ADAMTS6: variants seen among roughly 807,000 people sequenced by gnomAD.
ADAMTS6 encodes ADAM metallopeptidase with thrombospondin type 1 motif 6, also known as A disintegrin and metalloproteinase with thrombospondin motifs 6.
ADAMTS6 carries 23 observed loss-of-function variants against 144.3 expected under a neutral mutation model. The observed-to-expected ratio is 0.16, with a 90% CI of 0.11 to 0.23. The LOEUF (loss-of-function observed/expected upper bound fraction) is 0.23, where lower values mean the gene tolerates loss of function less well. ADAMTS6 is among the 10% of genes least tolerant of loss of function. The pLI is 1.00. For missense variants in ADAMTS6, 999 were observed against 1,379.6 expected (o/e 0.72, Z 4.37); for synonymous variants, 444 against 457.5 (o/e 0.97, Z 0.38).
chr5:65,214,298 T>G lies in ADAMTS6; in HGVS notation c.2575+496A>C. On this transcript the variant is annotated intron_variant, in intron 20 of 24. Coordinates refer to ENST00000381055, the MANE Select transcript of ADAMTS6 (RefSeq NM_197941.4). This position sits in a 1 kb window ranked among gnomAD's most constrained non-coding sequence, Gnocchi z 4.6. Reference sequence around the variant, plus strand: ...AGAACCCAGATACCAGTAATTATTGTAGCATCCCAGTATACAGCCCCTTAA... The same window carrying G: ...AGAACCCAGATACCAGTAATTATTGGAGCATCCCAGTATACAGCCCCTTAA... 1 of 283,860 alleles carries G rather than the reference T, an allele frequency of 3.5e-6. No homozygotes were observed. The highest frequency in any genetic ancestry group is 9.6e-5 in the East Asian group (1 of 10,454). The allele number at this position is 283,860 out of a possible 1,614,324, so 17.6% of individuals were successfully genotyped here. A position where few individuals can be genotyped will look rare whatever the true frequency, so the allele number is the denominator to read the frequency against.
chr5:65,211,704 T>C (rs941835692), intron 20 of ADAMTS6, among the ~76,000 whole-genome samples: 7 of 152,182 alleles, frequency 4.6e-5, no homozygotes, highest in African/African-American at 1.7e-4. Flanking sequence ...AAAATGATAC[T>C]GTTTTTCCTT....
At chr5:65,227,044 G>A (rs2112408242) in intron 15 of ADAMTS6, among the ~76,000 whole-genome samples, 1 of 152,286 alleles carries the variant, frequency 6.6e-6, no homozygotes, top group East Asian at 1.9e-4. Flanking sequence ...CCTGCCTTAA[G>A]CATATCATAG....
intron 20 of ADAMTS6, among the ~76,000 whole-genome samples, chr5:65,213,787 A>G (rs1756703629): frequency 6.6e-6 from 1 of 152,194 alleles, no homozygotes; most frequent in South Asian, 2.1e-4. Context: ...AAAATCATAT[A>G]TTTCTGCATA....
intron 7 of ADAMTS6, among the ~76,000 whole-genome samples, chr5:65,410,585 T>C (rs989461753): frequency 6.6e-6 from 1 of 152,144 alleles, no homozygotes; most frequent in African/African-American, 2.4e-5. Flanking sequence ...AATATATTAA[T>C]ATTATCATTA....
At chr5:65,397,517 C>T (rs1753445836) in intron 7 of ADAMTS6, among the ~76,000 whole-genome samples, 1 of 151,978 alleles carries the variant, frequency 6.6e-6, no homozygotes, top group Admixed American at 6.6e-5. Context: ...GTTTTCATTT[C>T]ATTTAGTTCA....
chr5:65,388,988 A>G (rs1752691734), intron 7 of ADAMTS6, among the ~76,000 whole-genome samples: 1 of 152,174 alleles, frequency 6.6e-6, no homozygotes, highest in Non-Finnish European at 1.5e-5. Flanking sequence ...TGGGCGGATC[A>G]CGAGGTCAGG....
At chr5:65,268,131 G>A (rs1761767019) in intron 12 of ADAMTS6, among the ~76,000 whole-genome samples, 1 of 152,184 alleles carries the variant, frequency 6.6e-6, no homozygotes, top group Admixed American at 6.5e-5. Context: ...TGCTTTAGAA[G>A]GGCATTTAAT....
At position 65,291,405 on chromosome 5, in the gene ADAMTS6, G is replaced by A. The variant is rs754523496; in HGVS notation, c.1436C>T (p.Ala479Val). 5 of 1,613,986 alleles carry A rather than the reference G, an allele frequency of 3.1e-6. No individual in the cohort carries two copies. The highest frequency in any genetic ancestry group is 4.2e-6 in the Non-Finnish European group (5 of 1,179,932). Reference protein sequence around the residue: ...PKRDFLYPAVAPGQVYDADEQ... With the variant: ...PKRDFLYPAVVPGQVYDADEQ... ...ATCAGCATCATACACCTGACCTGGG[G>A]CCACAGCTGGATAAAGAAAGTCACG... The change falls in exon 11 of 25, where the codon GCC becomes GTC. Residue 479 changes from alanine to valine, a missense_variant. Around this residue, in one of 3 missense-constraint regions of ADAMTS6, gnomAD observed 619 missense variants for 837.0 expected, o/e 0.74. Coordinates refer to ENST00000381055, the MANE Select transcript of ADAMTS6 (RefSeq NM_197941.4).
intron 7 of ADAMTS6, among the ~76,000 whole-genome samples, chr5:65,410,584 A>G (rs56083031): frequency 0.039 from 5,948 of 152,190 alleles, 416 homozygotes; most frequent in African/African-American, 0.14. Context: ...CAATATATTA[A>G]TATTATCATT....
intron 1 of ADAMTS6, among the ~76,000 whole-genome samples, chr5:65,477,063 G>A (rs1760890655): frequency 6.6e-6 from 1 of 152,182 alleles, no homozygotes; most frequent in African/African-American, 2.4e-5. Context: ...GAGAGATTAA[G>A]TTATACCATT....
At chr5:65,312,196 T>C (rs1477426284) in intron 9 of ADAMTS6, among the ~76,000 whole-genome samples, 1 of 151,962 alleles carries the variant, frequency 6.6e-6, no homozygotes, top group Non-Finnish European at 1.5e-5. Flanking sequence ...CTTTTTAAAA[T>C]GATGAGACAA....
intron 9 of ADAMTS6, 135 bp downstream of exon 9, chr5:65,329,243 A>C: frequency 1.4e-6 from 1 of 719,338 alleles, no homozygotes; most frequent in Non-Finnish European, 2.3e-6. Flanking sequence ...CAATACCCAC[A>C]ATAATAACAT....
rs372322624 is a variant in ADAMTS6, at chr5:65,371,841, T to C, written c.1074-37756A>G. ...ATTGTCAGATTCACCAAAGTTTAAA[T>C]GAAGGAAAAAATGTTAAGGGCAGCC... On this transcript the variant is annotated intron_variant, in intron 7 of 24. Transcript: ENST00000381055. Among the ~76,000 whole-genome samples the C allele has an allele frequency of 5.3e-5, 8 of 151,924 alleles. No homozygotes were observed. The South Asian group carries it at 1.5e-3, about 28-fold the overall frequency.
In ADAMTS6 at chr5:65,470,896, T is replaced by C. The variant is rs1334801466; in HGVS notation, c.344A>G (p.Tyr115Cys). The stretch of plus-strand genomic sequence containing the variant: ...CCACTGGGGTCCATCTTTCCCCCAA[T>C]ATTCTACTGTAAAATGTTTGGACAC... ...DFVSKHFTVEYWGKDGPQWKH... is the reference protein window; with the variant it reads ...DFVSKHFTVECWGKDGPQWKH... Residue 115 changes from tyrosine to cysteine, a missense_variant, in exon 3 of 25, where the codon TAT becomes TGT. Physicochemically the swap from Tyr to Cys is radical, Grantham distance 194. Around this residue, in one of 3 missense-constraint regions of ADAMTS6, gnomAD observed 252 missense variants for 293.7 expected, o/e 0.86. Transcript: ENST00000381055. 1 of 1,612,078 alleles carries C rather than the reference T, an allele frequency of 6.2e-7. No homozygotes were observed. Among genetic ancestry groups the C allele is most frequent in the Non-Finnish European group, 8.5e-7 (1 of 1,179,508 alleles).
At chr5:65,274,505 A>G (rs1480980436) in intron 11 of ADAMTS6, among the ~76,000 whole-genome samples, 1 of 152,144 alleles carries the variant, frequency 6.6e-6, no homozygotes, top group Non-Finnish European at 1.5e-5. Flanking sequence ...ATAAGAACTC[A>G]CATTACAAAC....
chr5:65,253,019 C>T (rs540438347), intron 14 of ADAMTS6, among the ~76,000 whole-genome samples: 1 of 152,218 alleles, frequency 6.6e-6, no homozygotes, highest in South Asian at 2.1e-4. Context: ...TCCCAAGTAG[C>T]TGGGACTACA....
intron 7 of ADAMTS6, among the ~76,000 whole-genome samples, chr5:65,351,543 G>A (rs2150090002): frequency 6.6e-6 from 1 of 152,304 alleles, no homozygotes. Flanking sequence ...CTGTTTGAAT[G>A]TTTATGGATA....
At chr5:65,204,213 T>C (rs1386568747) in intron 20 of ADAMTS6, among the ~76,000 whole-genome samples, 2 of 152,212 alleles carry the variant, frequency 1.3e-5, no homozygotes, top group Non-Finnish European at 2.9e-5. Flanking sequence ...TTAAGTTATA[T>C]TGAAAATATG....
intron 21 of ADAMTS6, among the ~76,000 whole-genome samples, chr5:65,193,320 G>A (rs1321486851): frequency 6.6e-6 from 1 of 151,764 alleles, no homozygotes; most frequent in Non-Finnish European, 1.5e-5. Flanking sequence ...AGATAAAAGA[G>A]TTCATATCCT....
Sources: gnomAD v4.1 joint callset for allele counts (sites outside exome capture counted in the v4.1 genomes callset) on GRCh38, gnomAD v4.1.1 for gene constraint, gnomAD v4.1.1 regional missense constraint, Gnocchi (gnomAD v3.1) non-coding constraint, MANE v1.5 for transcripts, NCBI Gene and HGNC (gene_info 2026-07-23, HGNC 2026-07-21) for gene names.